Variants in RTN4RL1 observed in about 807,000 individuals in gnomAD.
The protein encoded by RTN4RL1 is reticulon-4 receptor-like 1.
In RTN4RL1, 7 loss-of-function variants were observed where a neutral mutation model predicts 25.6. The ratio of observed to expected loss-of-function variants is 0.27; its 90% CI spans 0.16 to 0.51. The LOEUF is 0.51. Ranked by LOEUF, RTN4RL1 falls within the 20% of genes least tolerant of loss-of-function variation. The probability of loss-of-function intolerance (pLI) is 0.97; values close to 1 mark genes in which losing one functional copy is unlikely to be tolerated. For synonymous variants in RTN4RL1, 297 were observed against 288.2 expected, an observed-to-expected ratio of 1.03 and a Z score of -0.31; for missense variants, 500 against 615.6, an observed-to-expected ratio of 0.81 and a Z score of 1.99.
At chr17:1,951,520 C>T (rs1317027759) in intron 1 of RTN4RL1, among the ~76,000 whole-genome samples, 3 of 151,742 alleles carry the variant, frequency 2.0e-5, no homozygotes, top group East Asian at 2.0e-4. Context: ...GGTGCGATCT[C>T]GGCTCACTGC....
chr17:1,949,551 G>T (rs536037473), intron 1 of RTN4RL1, among the ~76,000 whole-genome samples: 2 of 152,138 alleles, frequency 1.3e-5, no homozygotes, highest in Admixed American at 1.3e-4. Context: ...CCTTCCCTGC[G>T]ATCAGTGAAA....
intron 1 of RTN4RL1, among the ~76,000 whole-genome samples, chr17:1,939,755 C>T (rs1915402534): frequency 6.6e-6 from 1 of 152,250 alleles, no homozygotes; most frequent in Non-Finnish European, 1.5e-5. Context: ...TCATTACCTA[C>T]CTTTTTCCAG....
chr17:1,947,641 C>A (rs1038815332), intron 1 of RTN4RL1, among the ~76,000 whole-genome samples: 1 of 152,236 alleles, frequency 6.6e-6, no homozygotes, highest in Non-Finnish European at 1.5e-5. Context: ...GCAGGCCTGG[C>A]TGGGAATGCC....
At chr17:1,993,623 C>T (rs1229910853) in intron 1 of RTN4RL1, among the ~76,000 whole-genome samples, 4 of 152,056 alleles carry the variant, frequency 2.6e-5, no homozygotes, top group African/African-American at 9.7e-5. Flanking sequence ...AGTAACGGTT[C>T]AATAAAGCAT....
intron 1 of RTN4RL1, among the ~76,000 whole-genome samples, chr17:1,978,426 CCT>C (rs1354950540): frequency 5.3e-4 from 81 of 152,378 alleles, no homozygotes; most frequent in Non-Finnish European, 1.1e-3. Context: ...GGAGCAGAAG[CCT>C]TTAGAGGAGA....
intron 1 of RTN4RL1, among the ~76,000 whole-genome samples, chr17:2,007,375 C>T (rs2067006064): frequency 1.3e-5 from 2 of 148,218 alleles, no homozygotes; most frequent in South Asian, 4.2e-4. Context: ...CACACACACA[C>T]TCTTCCTCTC....
intron 1 of RTN4RL1, among the ~76,000 whole-genome samples, chr17:1,962,943 A>AT (rs71150839): frequency 1.4e-4 from 21 of 146,816 alleles, no homozygotes; most frequent in East Asian, 1.0e-3. Context: ...ACTCTATTTT[A>AT]TTTTTTTTTT....
At chr17:1,946,672 CTG>C (rs1915550912) in intron 1 of RTN4RL1, among the ~76,000 whole-genome samples, 1 of 137,116 alleles carries the variant, frequency 7.3e-6, no homozygotes, top group East Asian at 2.2e-4. Context: ...GCATGTGTGT[CTG>C]TGTGCATCTC....
chr17:1,956,286 C>G (rs1265647916), intron 1 of RTN4RL1, among the ~76,000 whole-genome samples: 2 of 152,178 alleles, frequency 1.3e-5, no homozygotes. Flanking sequence ...ATCGCAGCTC[C>G]TAACGCGTAC....
chr17:1,953,828 G>C (rs1915733926), intron 1 of RTN4RL1, among the ~76,000 whole-genome samples: 1 of 152,212 alleles, frequency 6.6e-6, no homozygotes. Context: ...GCCTCCCAAA[G>C]TGCTGGGATT....
intron 1 of RTN4RL1, among the ~76,000 whole-genome samples, chr17:2,007,480 C>T (rs2067007230): frequency 6.6e-6 from 1 of 152,126 alleles, no homozygotes; most frequent in Admixed American, 6.6e-5. Flanking sequence ...TTCACCCAGC[C>T]AGCTCCCTGT....
chr17:1,938,726 C>A (rs1039499554), intron 1 of RTN4RL1, among the ~76,000 whole-genome samples: 8 of 152,160 alleles, frequency 5.3e-5, no homozygotes, highest in Non-Finnish European at 8.8e-5. Context: ...ACGGGCAACA[C>A]CCCTTCTAAG....
chr17:1,991,647 G>A (rs866949122), intron 1 of RTN4RL1, among the ~76,000 whole-genome samples: 15 of 152,094 alleles, frequency 9.9e-5, no homozygotes, highest in Middle Eastern at 3.4e-3. Context: ...AAATGGTAGC[G>A]CCATGTATTA....
At chr17:2,019,350 A>G (rs938701536) in intron 1 of RTN4RL1, 4 of 151,906 alleles carry the variant, frequency 2.6e-5, no homozygotes, top group African/African-American at 9.7e-5. Flanking sequence ...AACCTTAACC[A>G]CTACTTCACT....
chr17:1,946,926 ATC>A (rs1281271380), intron 1 of RTN4RL1, among the ~76,000 whole-genome samples: 1 of 100,074 alleles, frequency 1.0e-5, no homozygotes, highest in Non-Finnish European at 2.0e-5. Context: ...GTCTGTGTGC[ATC>A]TCTGTGTGAA....
At position 1,936,489 on chromosome 17, in the gene RTN4RL1, T is replaced by G. The variant is rs747853439; in HGVS notation, c.*7A>C. ...GTGGCAGTGCTGGGTGCTGACGCCC[T>G]GGGTCCTCAGCGGAGAGTGACCGCC... On this transcript the variant is annotated 3_prime_UTR_variant, in exon 2 of 2. Coordinates refer to ENST00000331238, the MANE Select transcript of RTN4RL1 (RefSeq NM_178568.4). The G allele has an allele frequency of 5.9e-6, 9 of 1,538,438 alleles. No homozygotes were observed. Among genetic ancestry groups the G allele is most frequent in the Middle Eastern group, 3.4e-4 (2 of 5,908 alleles).
At chr17:2,007,519 C>T (rs1884753309) in intron 1 of RTN4RL1, among the ~76,000 whole-genome samples, 1 of 152,216 alleles carries the variant, frequency 6.6e-6, no homozygotes, top group Admixed American at 6.5e-5. Context: ...TTCTGCTCCC[C>T]TGCCTCTGCT....
chr17:1,937,567 C>A lies in RTN4RL1; in HGVS notation c.255G>T (p.Ser85=), dbSNP rs748945432. ...SPAMVTLWIY[S]NNITYIHPST... ...TGGGGTGGATGTAGGTGATGTTGTTCGAGTAGATCCACAGGGTGACCATGG... is the reference window on the plus strand; with the variant it reads ...TGGGGTGGATGTAGGTGATGTTGTTAGAGTAGATCCACAGGGTGACCATGG... Residue 85 remains serine (S), a synonymous_variant, in exon 2 of 2, where the codon TCG becomes TCT. Transcript: ENST00000331238. The A allele has an allele frequency of 6.2e-7, 1 of 1,613,882 alleles. No homozygotes were observed. The highest frequency in any genetic ancestry group is 2.2e-5 in the East Asian group (1 of 44,868).
At chr17:1,955,952 A>G (rs866153146) in intron 1 of RTN4RL1, among the ~76,000 whole-genome samples, 1 of 152,140 alleles carries the variant, frequency 6.6e-6, no homozygotes, top group Non-Finnish European at 1.5e-5. Flanking sequence ...AAATCACTAC[A>G]GTCCCATTAC....
Sources: allele counts gnomAD v4.1 joint callset (sites outside exome capture counted in the v4.1 genomes callset), GRCh38; gene constraint gnomAD v4.1.1; transcripts MANE v1.5; gene names NCBI Gene and HGNC (gene_info 2026-07-23, HGNC 2026-07-21).